PACRG: variants seen among roughly 807,000 people sequenced by gnomAD.
The protein encoded by PACRG is parkin coregulated, also known as parkin coregulated gene protein.
In PACRG, 29 loss-of-function variants were observed where a neutral mutation model predicts 29.7. The observed-to-expected ratio is 0.98, with a 90% confidence interval of 0.73 to 1.33. The LOEUF (loss-of-function observed/expected upper bound fraction) is 1.33, where lower values mean the gene tolerates loss of function less well. Ranked by LOEUF, PACRG falls within the 40% of genes most tolerant of loss-of-function variation. The probability of loss-of-function intolerance (pLI) is 0.00; values close to 1 mark genes in which losing one functional copy is unlikely to be tolerated. For synonymous variants in PACRG, 116 were observed against 118.7 expected (o/e 0.98, Z 0.15); for missense variants, 279 against 316.2 (o/e 0.88, Z 0.89).
chr6:163,290,274 G>A (rs202135968), intron 4 of PACRG, among the ~76,000 whole-genome samples: 59 of 87,028 alleles, frequency 6.8e-4, no homozygotes, highest in African/African-American at 2.2e-3. Context: ...GCACGCGCGC[G>A]CGCGCACACA....
intron 4 of PACRG, among the ~76,000 whole-genome samples, chr6:163,129,326 T>C (rs1816640160): frequency 6.6e-6 from 1 of 152,230 alleles, no homozygotes; most frequent in African/African-American, 2.4e-5. Context: ...CATTGTCGTT[T>C]TTTAGGTGCC....
chr6:162,903,477 T>C (rs534711445), intron 2 of PACRG, among the ~76,000 whole-genome samples: 4 of 152,250 alleles, frequency 2.6e-5, no homozygotes, highest in South Asian at 2.1e-4. Flanking sequence ...CTCACAATCA[T>C]GGCAGAAGGT....
intron 1 of PACRG, among the ~76,000 whole-genome samples, chr6:162,745,578 G>A (rs573516001): frequency 6.6e-6 from 1 of 152,252 alleles, no homozygotes; most frequent in African/African-American, 2.4e-5. Context: ...ATCTCTATGC[G>A]ACATTGAGGG....
chr6:163,032,947 G>C (rs1440620192), intron 2 of PACRG, among the ~76,000 whole-genome samples: 7 of 152,230 alleles, frequency 4.6e-5, no homozygotes, highest in African/African-American at 1.7e-4. Context: ...TTATGGAAAA[G>C]CTGAAAAATG....
intron 2 of PACRG, among the ~76,000 whole-genome samples, chr6:163,021,628 C>A (rs1428196196): frequency 1.3e-5 from 2 of 152,160 alleles, no homozygotes; most frequent in Non-Finnish European, 2.9e-5. Context: ...CATTTCCTTT[C>A]TGATGAACTC....
intron 2 of PACRG, among the ~76,000 whole-genome samples, chr6:162,916,005 G>A (rs1248551822): frequency 6.6e-6 from 1 of 152,096 alleles, no homozygotes; most frequent in Non-Finnish European, 1.5e-5. Context: ...TCATCTTGAA[G>A]TTACAGGTTT....
At chr6:163,037,817 CT>C (rs1397981860) in intron 2 of PACRG, among the ~76,000 whole-genome samples, 1 of 152,182 alleles carries the variant, frequency 6.6e-6, no homozygotes, top group East Asian at 1.9e-4. Flanking sequence ...TCCACTCACC[CT>C]GTCTCTCCTG....
At chr6:162,901,806 A>C (rs532901748) in intron 2 of PACRG, among the ~76,000 whole-genome samples, 1 of 152,346 alleles carries the variant, frequency 6.6e-6, no homozygotes, top group East Asian at 1.9e-4. Context: ...ACCTCCACTA[A>C]TTTGAAAGAA....
At chr6:163,082,352 A>G (rs1188834986) in intron 3 of PACRG, among the ~76,000 whole-genome samples, 1 of 152,178 alleles carries the variant, frequency 6.6e-6, no homozygotes, top group Non-Finnish European at 1.5e-5. Context: ...AGGGCCAAGC[A>G]CATTTGCAAT....
At position 162,937,150 on chromosome 6, in the gene PACRG, G is replaced by C. The variant is rs974012836; in HGVS notation, c.291+122869G>C. ...GCATGGGTGGAGCTTAGACAATCCTGATGAACCTTGAAGAGCAGCACTGTT... is the reference window on the plus strand; with the variant it reads ...GCATGGGTGGAGCTTAGACAATCCTCATGAACCTTGAAGAGCAGCACTGTT... On this transcript the variant is annotated intron_variant, in intron 2 of 4. Transcript: ENST00000366888. Among the ~76,000 whole-genome samples the C allele has an allele frequency of 2.6e-5, 4 of 152,286 alleles. No homozygotes were observed. In the East Asian group the frequency reaches 5.8e-4, roughly 22 times the overall value.
intron 2 of PACRG, among the ~76,000 whole-genome samples, chr6:162,843,029 A>C (rs1789949869): frequency 7.1e-6 from 1 of 141,772 alleles, no homozygotes; most frequent in Non-Finnish European, 1.5e-5. Flanking sequence ...TGCCCTTAAC[A>C]TTTTTTCCTT....
intron 2 of PACRG, among the ~76,000 whole-genome samples, chr6:162,925,857 T>C (rs933139638): frequency 3.3e-5 from 5 of 151,960 alleles, no homozygotes; most frequent in Non-Finnish European, 7.4e-5. Flanking sequence ...AGAGAGGAAA[T>C]AAATTGTCTC....
intron 2 of PACRG, among the ~76,000 whole-genome samples, chr6:162,904,634 A>G (rs1225286110): frequency 6.6e-6 from 1 of 152,224 alleles, no homozygotes; most frequent in Non-Finnish European, 1.5e-5. Flanking sequence ...TTACATGTTA[A>G]ATGACGTTCA....
chr6:162,734,242 A>T (rs1326179592), intron 1 of PACRG, among the ~76,000 whole-genome samples: 1 of 150,342 alleles, frequency 6.7e-6, no homozygotes, highest in Non-Finnish European at 1.5e-5. Context: ...AAAAAGTTAA[A>T]GTGGTTTGGC....
At chr6:163,062,126 C>T (rs779071925) in intron 2 of PACRG, 24 bp from the exon 3 acceptor site, 30 of 1,610,544 alleles carry the variant, frequency 1.9e-5, no homozygotes, top group East Asian at 6.7e-5. Flanking sequence ...TTTCACATGG[C>T]GTCTCTTCTT....
rs575620126 is a variant in PACRG, at chr6:163,181,137, C to T, written c.613+91729C>T. On this transcript the variant is annotated intron_variant, in intron 4 of 4. Coordinates refer to ENST00000366888, the MANE Select transcript of PACRG (RefSeq NM_001080379.2). ...GTGGGATAGAAGGGGCTGAGGGATC[C>T]TGCTGCCACATTGATAACTATCGCT... Among the ~76,000 whole-genome samples, 10 of 152,310 alleles carry T rather than the reference C, an allele frequency of 6.6e-5. No homozygotes were observed. The South Asian group carries it at 1.9e-3, about 28-fold the overall frequency.
At chr6:163,236,835 T>C (rs1366114920) in intron 4 of PACRG, among the ~76,000 whole-genome samples, 1 of 152,204 alleles carries the variant, frequency 6.6e-6, no homozygotes, top group South Asian at 2.1e-4. Context: ...GAGGCATGGC[T>C]GGGGAGGCCT....
chr6:163,149,743 C>T (rs754359307), intron 4 of PACRG, among the ~76,000 whole-genome samples: 31 of 152,180 alleles, frequency 2.0e-4, no homozygotes, highest in Non-Finnish European at 3.8e-4. Context: ...TCCCCCGACC[C>T]CGGGCCAGCC....
At chr6:162,938,952 T>C (rs551477299) in intron 2 of PACRG, among the ~76,000 whole-genome samples, 1 of 152,304 alleles carries the variant, frequency 6.6e-6, no homozygotes, top group South Asian at 2.1e-4. Context: ...CTCTGTGGGT[T>C]GTCTATTTAC....
Sources: gnomAD v4.1 joint callset for allele counts (sites outside exome capture counted in the v4.1 genomes callset) on GRCh38, gnomAD v4.1.1 for gene constraint, MANE v1.5 for transcripts, NCBI Gene and HGNC (gene_info 2026-07-23, HGNC 2026-07-21) for gene names.